TASP1: variants seen among roughly 807,000 people sequenced by gnomAD.
The protein encoded by TASP1 is taspase 1.
TASP1 carries 16 observed loss-of-function variants against 56.6 expected under a neutral mutation model. The observed-to-expected ratio is 0.28, with a 90% CI of 0.19 to 0.43. The LOEUF (loss-of-function observed/expected upper bound fraction) is 0.43. Ranked by LOEUF, TASP1 falls within the 20% of genes least tolerant of loss-of-function variation. The pLI is 1.00. For missense variants in TASP1, 393 were observed against 511.6 expected, an observed-to-expected ratio of 0.77 and a Z score of 2.24; for synonymous variants, 179 against 184.2, an observed-to-expected ratio of 0.97 and a Z score of 0.23.
chr20:13,608,422 G>A (rs772626046), intron 4 of TASP1, among the ~76,000 whole-genome samples: 1 of 152,120 alleles, frequency 6.6e-6, no homozygotes, highest in Non-Finnish European at 1.5e-5. Context: ...AATATTTATT[G>A]GACACCATTG....
the TASP1 span, among the ~76,000 whole-genome samples, chr20:13,262,455 TTTTC>T: frequency 6.6e-6 from 1 of 151,970 alleles, no homozygotes; most frequent in Non-Finnish European, 1.5e-5. Context: ...AAGGGTTTGT[TTTTC>T]TTTTTCTTTT....
chr20:13,509,334 T>C (rs535626447), intron 10 of TASP1, among the ~76,000 whole-genome samples: 1 of 152,214 alleles, frequency 6.6e-6, no homozygotes, highest in South Asian at 2.1e-4. Flanking sequence ...AGAAGAGTGT[T>C]TACCAGGGTG....
intron 12 of TASP1, among the ~76,000 whole-genome samples, chr20:13,421,971 T>C (rs2042452852): frequency 1.3e-5 from 2 of 149,984 alleles, no homozygotes; most frequent in African/African-American, 4.9e-5. Flanking sequence ...TTTTTTTTTT[T>C]GACAGAGTCT....
chr20:13,466,985 A>G (rs531492738), intron 11 of TASP1, among the ~76,000 whole-genome samples: 2 of 152,236 alleles, frequency 1.3e-5, no homozygotes, highest in African/African-American at 4.8e-5. Context: ...TTCAAAAGAA[A>G]ACTAAAAAAT....
intron 13 of TASP1, 134 bp downstream of exon 13, chr20:13,417,314 T>C: frequency 5.2e-6 from 4 of 769,980 alleles, no homozygotes; most frequent in Non-Finnish European, 8.5e-6. Context: ...ACTGTTCTTA[T>C]TCGGATGCTT....
chr20:13,584,409 G>A (rs1009562172), intron 5 of TASP1, among the ~76,000 whole-genome samples: 4 of 152,006 alleles, frequency 2.6e-5, no homozygotes, highest in Non-Finnish European at 4.4e-5. Context: ...GGGTTAAAAC[G>A]CAAGCCACAC....
chr20:13,358,820 T>G, the TASP1 span, among the ~76,000 whole-genome samples: 1 of 151,442 alleles, frequency 6.6e-6, no homozygotes, highest in South Asian at 2.1e-4. Flanking sequence ...GACGCCTGCC[T>G]TGGTCCTTCA....
chr20:13,434,532 G>A (rs1429402441), intron 12 of TASP1, among the ~76,000 whole-genome samples: 1 of 152,130 alleles, frequency 6.6e-6, no homozygotes, highest in Non-Finnish European at 1.5e-5. Context: ...GCTTTATCAG[G>A]AGGCCAGGGC....
chr20:13,289,671 G>A, the TASP1 span, among the ~76,000 whole-genome samples: 2 of 96,644 alleles, frequency 2.1e-5, no homozygotes, highest in East Asian at 2.6e-4. Flanking sequence ...GGAGGAGGAG[G>A]AGGGGGAGGA....
At chr20:13,439,924 C>A in intron 11 of TASP1, among the ~76,000 whole-genome samples, 1 of 151,970 alleles carries the variant, frequency 6.6e-6, no homozygotes, top group East Asian at 1.9e-4. Context: ...AGTGTTCAAA[C>A]TGAAAAGGTC....
At chr20:13,202,795 T>C in the TASP1 span, among the ~76,000 whole-genome samples, 28 of 152,352 alleles carry the variant, frequency 1.8e-4, no homozygotes, top group Non-Finnish European at 3.5e-4. Flanking sequence ...ATTTGCCTTA[T>C]TTGAACAGAG....
At chr20:13,147,702 A>T in the TASP1 span, among the ~76,000 whole-genome samples, 1 of 152,174 alleles carries the variant, frequency 6.6e-6, no homozygotes, top group African/African-American at 2.4e-5. Flanking sequence ...ATGGAATGTG[A>T]CTTCCCATCT....
the TASP1 span, among the ~76,000 whole-genome samples, chr20:13,224,760 A>C: frequency 1.3e-5 from 2 of 152,198 alleles, no homozygotes. Flanking sequence ...TAAGAAAAGC[A>C]ACAATAATAG....
At chr20:13,545,179 T>C (rs554935712) in intron 8 of TASP1, among the ~76,000 whole-genome samples, 1 of 152,272 alleles carries the variant, frequency 6.6e-6, no homozygotes, top group South Asian at 2.1e-4. Context: ...AAAGAAATAG[T>C]ACCTATATAC....
the TASP1 span, among the ~76,000 whole-genome samples, chr20:13,361,712 T>A: frequency 0.085 from 12,894 of 151,296 alleles, 624 homozygotes; most frequent in African/African-American, 0.12. Context: ...CCTATTCACC[T>A]TTCTCAACTA....
At chr20:13,514,334 G>A (rs2044444180) in intron 10 of TASP1, among the ~76,000 whole-genome samples, 1 of 152,022 alleles carries the variant, frequency 6.6e-6, no homozygotes, top group Non-Finnish European at 1.5e-5. Context: ...AGAGAGAAAT[G>A]GAGAAACAAG....
At chr20:13,208,616 A>G in the TASP1 span, among the ~76,000 whole-genome samples, 7 of 152,340 alleles carry the variant, frequency 4.6e-5, no homozygotes, top group South Asian at 1.2e-3. Flanking sequence ...AATTCAGCAT[A>G]AGTGACATCC....
the TASP1 span, among the ~76,000 whole-genome samples, chr20:13,291,721 TAA>T: frequency 3.3e-5 from 5 of 152,196 alleles, no homozygotes; most frequent in Admixed American, 6.5e-5. Context: ...CCAACAATGC[TAA>T]GTGTCCTAGA....
At chr20:13,135,453 G>GA in the TASP1 span, among the ~76,000 whole-genome samples, 1 of 151,804 alleles carries the variant, frequency 6.6e-6, no homozygotes, top group Admixed American at 6.6e-5. Context: ...GCACTTTTTT[G>GA]AAAAAAGATG....
Sources: allele counts gnomAD v4.1 joint callset (sites outside exome capture counted in the v4.1 genomes callset), GRCh38; gene constraint gnomAD v4.1.1; transcripts MANE v1.5; gene names NCBI Gene and HGNC (gene_info 2026-07-23, HGNC 2026-07-21).